Variants in ZBTB16 observed in about 807,000 individuals in gnomAD.
ZBTB16 encodes zinc finger and BTB domain containing 16.
ZBTB16 carries 8 observed loss-of-function variants against 56.8 expected under a neutral mutation model. The ratio of observed to expected loss-of-function variants is 0.14; its 90% CI spans 0.08 to 0.25. The LOEUF is 0.25. Ranked by LOEUF, ZBTB16 falls within the 10% of genes least tolerant of loss-of-function variation. The probability of loss-of-function intolerance (pLI) is 1.00; values close to 1 mark genes in which losing one functional copy is unlikely to be tolerated. For synonymous variants in ZBTB16, 363 were observed against 368.5 expected (o/e 0.98, Z 0.17); for missense variants, 625 against 903.0 (o/e 0.69, Z 3.95).
chr11:114,167,238 T>TTTG (rs1565663204), intron 3 of ZBTB16, among the ~76,000 whole-genome samples: 7 of 135,564 alleles, frequency 5.2e-5, no homozygotes, highest in African/African-American at 1.6e-4. Context: ...TTTGGTTTTT[T>TTTG]TTTTTTTTTT....
At chr11:114,215,099 G>A (rs928466347) in intron 4 of ZBTB16, among the ~76,000 whole-genome samples, 3 of 151,928 alleles carry the variant, frequency 2.0e-5, no homozygotes, top group African/African-American at 7.3e-5. Flanking sequence ...GCACCAAAAC[G>A]CTGAAAAGAA....
intron 2 of ZBTB16, among the ~76,000 whole-genome samples, chr11:114,152,885 T>C (rs7102941): frequency 0.21 from 32,590 of 152,124 alleles, 5,593 homozygotes; most frequent in African/African-American, 0.48. Flanking sequence ...CAGGACTAGA[T>C]TGGGAAGATG....
Position 114,256,033 on chromosome 11 carries a change from T to TG in ZBTB16, c.*5478_*5479insG, listed in dbSNP as rs1555163227. The stretch of plus-strand genomic sequence containing the variant: ...CTTGGTTTTGTTTTGTTTTTTTTTT[T>TG]TGTTTTTTTTGCCTTTTCTTGTGTG... On this transcript the variant is annotated 3_prime_UTR_variant, in exon 7 of 7. Transcript: ENST00000335953. 1.4e-3 allele frequency among the ~76,000 whole-genome samples: 173 copies of TG among 119,772 alleles called. No individual in the cohort carries two copies. The highest frequency in any genetic ancestry group is 4.9e-3 in the African/African-American group (170 of 34,694). 78.6% of individuals were successfully genotyped at this position (119,772 alleles called of 152,430 possible).
intron 3 of ZBTB16, among the ~76,000 whole-genome samples, chr11:114,177,319 C>T (rs774845576): frequency 1.2e-4 from 18 of 152,114 alleles, no homozygotes; most frequent in Non-Finnish European, 2.2e-4. Flanking sequence ...GGTGCGATCT[C>T]GGCTCACCAC....
intron 2 of ZBTB16, among the ~76,000 whole-genome samples, chr11:114,148,325 A>AGGGC (rs1555143854): frequency 2.2e-5 from 2 of 91,080 alleles, no homozygotes; most frequent in Non-Finnish European, 4.9e-5. Flanking sequence ...CATAGGATGC[A>AGGGC]TGGCTGGCTG....
rs1944931720 is a variant in ZBTB16, at chr11:114,252,340, T to C, written c.*1785T>C. 7.1e-6 allele frequency among the ~76,000 whole-genome samples: 1 copy of C among 140,294 alleles called. No individual in the cohort carries two copies. The highest frequency in any genetic ancestry group is 1.5e-5 in the Non-Finnish European group (1 of 64,838). The allele number at this position is 140,294 out of a possible 152,430, so 92.0% of individuals were successfully genotyped here. A position where few individuals can be genotyped will look rare whatever the true frequency, so the allele number is the denominator to read the frequency against. On this transcript the variant is annotated 3_prime_UTR_variant, in exon 7 of 7. Transcript: ENST00000335953. Reference sequence around the variant, plus strand: ...TGGTCTCACCTCTGTGCGTGCATTCTCATTGCCAGAATTGGTCTATTTTCA... The same window carrying C: ...TGGTCTCACCTCTGTGCGTGCATTCCCATTGCCAGAATTGGTCTATTTTCA...
chr11:114,251,832 T>G lies in ZBTB16; in HGVS notation c.*1277T>G, dbSNP rs1264232027. ...CTTTGGCCTTGTGTTATGTTTTGCT[T>G]CTTTTCTGTGTCCCCTGTTAGCACA... On this transcript the variant is annotated 3_prime_UTR_variant, in exon 7 of 7. Coordinates refer to ENST00000335953, the MANE Select transcript of ZBTB16 (RefSeq NM_006006.6). Among the ~76,000 whole-genome samples the G allele has an allele frequency of 2.0e-5, 3 of 152,116 alleles. No individual in the cohort carries two copies. Among genetic ancestry groups the G allele is most frequent in the Admixed American group, 1.3e-4 (2 of 15,280 alleles).
chr11:114,207,077 A>G (rs1191382588), intron 4 of ZBTB16, among the ~76,000 whole-genome samples: 2 of 152,124 alleles, frequency 1.3e-5, no homozygotes, highest in African/African-American at 4.8e-5. Context: ...TGCAGAGTTG[A>G]TGGCTGCAGC....
At chr11:114,169,038 G>GC (rs1175866907) in intron 3 of ZBTB16, among the ~76,000 whole-genome samples, 3 of 152,032 alleles carry the variant, frequency 2.0e-5, no homozygotes, top group African/African-American at 7.2e-5. Context: ...CCCAGGGAGA[G>GC]CTTGACTGTG....
At chr11:114,171,609 A>G (rs1370793118) in intron 3 of ZBTB16, among the ~76,000 whole-genome samples, 1 of 152,212 alleles carries the variant, frequency 6.6e-6, no homozygotes, top group African/African-American at 2.4e-5. Context: ...TTGTCACGGG[A>G]GTACTCCATC....
chr11:114,187,117 C>T (rs1201296070), intron 4 of ZBTB16, 79 bp downstream of exon 4: 1 of 1,426,016 alleles, frequency 7.0e-7, no homozygotes. Context: ...TGGGTGGCAA[C>T]CTCTTTTTAG....
At chr11:114,199,156 C>T (rs543407520) in intron 4 of ZBTB16, among the ~76,000 whole-genome samples, 6 of 152,076 alleles carry the variant, frequency 3.9e-5, no homozygotes, top group Middle Eastern at 3.4e-3. Context: ...ATGCCAGACA[C>T]GGATGCTGGG....
At chr11:114,079,100 T>TA (rs10609677) in intron 2 of ZBTB16, among the ~76,000 whole-genome samples, 136 of 137,084 alleles carry the variant, frequency 9.9e-4, no homozygotes, top group South Asian at 1.7e-3. Flanking sequence ...TTTGTCTCAT[T>TA]AAAAAAAAAA....
Position 114,127,414 on chromosome 11 carries a change from C to T in ZBTB16, c.1269-28923C>T, listed in dbSNP as rs1012637288. 2.0e-5 allele frequency among the ~76,000 whole-genome samples: 3 copies of T among 152,152 alleles called. No individual in the cohort carries two copies. In the East Asian group the frequency reaches 5.8e-4, roughly 29 times the overall value. On this transcript the variant is annotated intron_variant, in intron 2 of 6. Transcript: ENST00000335953. ...GGAGCAGAACTCTGTATTAAATAAG[C>T]CCCCTCAGATAATTCCAATGTACAC...
At chr11:114,102,608 A>G (rs1245374376) in intron 2 of ZBTB16, among the ~76,000 whole-genome samples, 2 of 147,748 alleles carry the variant, frequency 1.4e-5, no homozygotes, top group Admixed American at 1.4e-4. Context: ...TGGGAAATGC[A>G]TGGGCCTGTG....
chr11:114,128,708 A>G (rs1941580915), intron 2 of ZBTB16, among the ~76,000 whole-genome samples: 1 of 152,166 alleles, frequency 6.6e-6, no homozygotes, highest in African/African-American at 2.4e-5. Context: ...CCTCAGAGAC[A>G]AGTGGTGTCT....
At chr11:114,167,670 C>T (rs1028531189) in intron 3 of ZBTB16, among the ~76,000 whole-genome samples, 4 of 152,072 alleles carry the variant, frequency 2.6e-5, no homozygotes, top group East Asian at 1.9e-4. Context: ...GCTCTCCCAG[C>T]GACCCCTCCT....
chr11:114,195,554 G>A (rs912617117), intron 4 of ZBTB16, among the ~76,000 whole-genome samples: 3 of 152,160 alleles, frequency 2.0e-5, no homozygotes, highest in Admixed American at 6.5e-5. Context: ...AGTGGTGCAG[G>A]TTTGTCATGC....
intron 3 of ZBTB16, among the ~76,000 whole-genome samples, chr11:114,170,909 C>T (rs568114045): frequency 6.6e-6 from 1 of 152,308 alleles, no homozygotes; most frequent in South Asian, 2.1e-4. Context: ...GGGATAAAGG[C>T]CCAGAGACCA....
Sources: allele counts gnomAD v4.1 joint callset (sites outside exome capture counted in the v4.1 genomes callset), GRCh38; gene constraint gnomAD v4.1.1; transcripts MANE v1.5; gene names NCBI Gene and HGNC (gene_info 2026-07-23, HGNC 2026-07-21).